Variants in PDCD2 observed in about 807,000 individuals in gnomAD.
The protein encoded by PDCD2 is programmed cell death 2.
In PDCD2, 38 loss-of-function variants were observed where a neutral mutation model predicts 38.1. The ratio of observed to expected loss-of-function variants is 1.00; its 90% CI spans 0.77 to 1.31. The LOEUF is 1.31. Ranked by LOEUF, PDCD2 falls within the 50% of genes most tolerant of loss-of-function variation. The probability of loss-of-function intolerance (pLI) is 0.00; values close to 1 mark genes in which losing one functional copy is unlikely to be tolerated. For synonymous variants in PDCD2, 205 were observed against 168.9 expected (o/e 1.21, Z -1.66); for missense variants, 473 against 435.7 (o/e 1.09, Z -0.76).
chr6:170,577,830 C>A, intron 5 of PDCD2, 113 bp from the exon 6 acceptor site: 1 of 923,488 alleles, frequency 1.1e-6, no homozygotes. Context: ...TACTACAAAG[C>A]AGGATTATAG....
rs1041184596 is a variant in PDCD2, at chr6:170,584,569, C to T, written c.13G>A (p.Gly5Arg). The change falls in exon 1 of 6, where the codon GGG (glycine) becomes AGG (arginine). Residue 5 changes from glycine (G) to arginine (R), a missense_variant. Physicochemically the swap from Gly to Arg is moderately radical, Grantham distance 125 (BLOSUM62 -2). Transcript: ENST00000541970. MAAA[G>R]ARPVELGFAE... Reference sequence around the variant, plus strand: ...AAGCCCAGCTCCACAGGCCTGGCCCCGGCGGCAGCCATGCGGGGCGCGGGC... The same window carrying T: ...AAGCCCAGCTCCACAGGCCTGGCCCTGGCGGCAGCCATGCGGGGCGCGGGC... The T allele has an allele frequency of 2.4e-5, 31 of 1,281,228 alleles. 1 individual carries two copies. Among genetic ancestry groups the T allele is most frequent in the South Asian group, 1.3e-4 (5 of 39,218 alleles). 79.4% of individuals were successfully genotyped at this position (1,281,228 alleles called of 1,614,324 possible). A position where few individuals can be genotyped will look rare whatever the true frequency, so the allele number is the denominator to read the frequency against.
At position 170,584,543 on chromosome 6, in the gene PDCD2, G is replaced by A; in HGVS notation, c.39C>T (p.Phe13=). 1 of 1,360,960 alleles carries A rather than the reference G, an allele frequency of 7.3e-7. No homozygotes were observed. Among genetic ancestry groups the A allele is most frequent in the Non-Finnish European group, 9.4e-7 (1 of 1,059,020 alleles). The allele number at this position is 1,360,960 out of a possible 1,614,324, so 84.3% of individuals were successfully genotyped here. Residue 13 remains phenylalanine (F), a synonymous_variant, in exon 1 of 6, where the codon TTC becomes TTT. Coordinates refer to ENST00000541970, the MANE Select transcript of PDCD2 (RefSeq NM_002598.4). ...AAGARPVELG[F]AESAPAWRLR... Reference sequence around the variant, plus strand: ...GTCGCCACGCCGGCGCCGACTCGGCGAAGCCCAGCTCCACAGGCCTGGCCC... The same window carrying A: ...GTCGCCACGCCGGCGCCGACTCGGCAAAGCCCAGCTCCACAGGCCTGGCCC...
chr6:170,584,287 T>G lies in PDCD2; in HGVS notation c.283+12A>C, dbSNP rs770057477. 5 of 1,421,564 alleles carry G rather than the reference T, an allele frequency of 3.5e-6. No individual in the cohort carries two copies. The African/African-American group carries it at 5.9e-5, about 17-fold the overall frequency. 88.1% of individuals were successfully genotyped at this position (1,421,564 alleles called of 1,614,324 possible). A position where few individuals can be genotyped will look rare whatever the true frequency, so the allele number is the denominator to read the frequency against. Reference sequence around the variant, plus strand: ...AGGCATGGCCCCGTCCCGACCCCGTTTGGCGGCTCACCTCGCAGGCCGGCA... The same window carrying G: ...AGGCATGGCCCCGTCCCGACCCCGTGTGGCGGCTCACCTCGCAGGCCGGCA... On this transcript the variant is annotated intron_variant, in intron 1 of 5. Transcript: ENST00000541970.
At chr6:170,579,174 T>C in intron 4 of PDCD2, 1 of 537,864 alleles carries the variant, frequency 1.9e-6, no homozygotes, top group Non-Finnish European at 3.2e-6. Flanking sequence ...TTTCAGTTTA[T>C]CTGACTCAGA....
chr6:170,584,184 G>A, intron 1 of PDCD2, 115 bp downstream of exon 1: 7 of 1,138,146 alleles, frequency 6.2e-6, no homozygotes, highest in Non-Finnish European at 7.9e-6. Context: ...CGGAGAGGGA[G>A]CTCTGAGGCT....
At chr6:170,577,833 G>A in intron 5 of PDCD2, 116 bp from the exon 6 acceptor site, 2 of 858,282 alleles carry the variant, frequency 2.3e-6, no homozygotes, top group Non-Finnish European at 3.6e-6. Context: ...TACAAAGCAG[G>A]ATTATAGACA....
rs777682956 is a variant in PDCD2 at position 170,584,349 on chromosome 6, C to T, written c.233G>A (p.Cys78Tyr). ...CTCGCGGCAGCAGAAGAGGAAGATG[C>T]AGCGGTGGAAGGCGTCCGGGCGGCC... ...LPGRPDAFHR[C>Y]IFLFCCREQP... Residue 78 changes from cysteine to tyrosine, a missense_variant, in exon 1 of 6, where the codon TGC becomes TAC. Transcript: ENST00000541970. 3.3e-6 allele frequency: 5 copies of T among 1,499,324 alleles called. No individual in the cohort carries two copies. In the South Asian group the frequency reaches 3.8e-5, roughly 11 times the overall value. 92.9% of individuals were successfully genotyped at this position (1,499,324 alleles called of 1,614,324 possible). A position where few individuals can be genotyped will look rare whatever the true frequency, so the allele number is the denominator to read the frequency against.
chr6:170,579,304 CAG>C (rs1779529759), intron 4 of PDCD2: 1 of 221,734 alleles, frequency 4.5e-6, no homozygotes, highest in Non-Finnish European at 8.7e-6. Context: ...GAATTCTGCC[CAG>C]AGTCTGTGCC....
At chr6:170,581,939 T>A (rs1562368605) in intron 3 of PDCD2, 1 of 474,440 alleles carries the variant, frequency 2.1e-6, no homozygotes, top group East Asian at 5.5e-5. Context: ...CTTTACTCCA[T>A]AATCTTAAAA....
rs867127993 is a variant in PDCD2, at chr6:170,575,712, C to G, written c.*1847G>C. ...TTTCTGGTGATTTGGACCAGTTTGT[C>G]TCCCTCTTGATATATCCATCCCAAA... On this transcript the variant is annotated 3_prime_UTR_variant, in exon 6 of 6. Coordinates refer to ENST00000541970, the MANE Select transcript of PDCD2 (RefSeq NM_002598.4). 6.6e-6 allele frequency: 1 copy of G among 152,166 alleles called. No individual in the cohort carries two copies. Among genetic ancestry groups the G allele is most frequent in the Non-Finnish European group, 1.5e-5 (1 of 68,038 alleles). 9.4% of individuals were successfully genotyped at this position (152,166 alleles called of 1,614,324 possible). A position where few individuals can be genotyped will look rare whatever the true frequency, so the allele number is the denominator to read the frequency against.
At chr6:170,578,646 G>C (rs938395054) in intron 5 of PDCD2, 5 of 703,370 alleles carry the variant, frequency 7.1e-6, no homozygotes, top group Non-Finnish European at 1.0e-5. Flanking sequence ...TCAATAGACC[G>C]TGTCTGAAAA....
chr6:170,578,898 G>C lies in PDCD2; in HGVS notation c.835C>G (p.Pro279Ala). Residue 279 changes from proline (P) to alanine (A), a missense_variant, in exon 5 of 6, where the codon CCA (proline) becomes GCA (alanine). Transcript: ENST00000541970. ...CTCTTGGCACCACAGGGGCAATCTG[G>C]AATATCCTTTTCTTGAGGAATATTT... ...GENIPQEKDI[P>A]DCPCGAKRIL... 3 of 1,610,274 alleles carry C rather than the reference G, an allele frequency of 1.9e-6. No homozygotes were observed. The highest frequency in any genetic ancestry group is 2.5e-6 in the Non-Finnish European group (3 of 1,178,322).
rs774707021 is a variant in PDCD2, at chr6:170,579,980, G to A, written c.762+22C>T. ...ACATGGCCTGAAGAGAACACGATGA[G>A]GAGCTATGAGCTCCACTTTACCTGT... On this transcript the variant is annotated intron_variant, in intron 4 of 5. Transcript: ENST00000541970. The A allele has an allele frequency of 1.1e-5, 13 of 1,164,196 alleles. No homozygotes were observed. The South Asian group carries it at 1.6e-4, about 14-fold the overall frequency. 72.1% of individuals were successfully genotyped at this position (1,164,196 alleles called of 1,614,324 possible).
At chr6:170,584,093 G>GC (rs902166377) in intron 1 of PDCD2, 1 of 508,832 alleles carries the variant, frequency 2.0e-6, no homozygotes, top group Admixed American at 4.1e-5. Context: ...TTACCAATGC[G>GC]CGTGGGCACA....
At position 170,577,727 on chromosome 6, in the gene PDCD2, G is replaced by A. The variant is rs1178279982; in HGVS notation, c.877-10C>T. On this transcript the variant is annotated splice_polypyrimidine_tract_variant and intron_variant, in intron 5 of 5. Coordinates refer to ENST00000541970, the MANE Select transcript of PDCD2 (RefSeq NM_002598.4). ...GGAGCTGAGGCATGACCTGAGAAGA[G>A]GGTGACACACAGTTAGAAAGCTGCT... 1 of 1,611,730 alleles carries A rather than the reference G, an allele frequency of 6.2e-7. No homozygotes were observed. Among genetic ancestry groups the A allele is most frequent in the Non-Finnish European group, 8.5e-7 (1 of 1,179,720 alleles).
rs1331744406 is a variant in PDCD2 at position 170,582,546 on chromosome 6, C to CATG, written c.658+510_658+511insCAT. On this transcript the variant is annotated intron_variant, in intron 3 of 5. Coordinates refer to ENST00000541970, the MANE Select transcript of PDCD2 (RefSeq NM_002598.4). ...CGATTTTAATGAGCTCATGCACAAA[C>CATG]AGCCCTTTATATAAGGTAAGTGCTG... 7.4e-6 allele frequency: 10 copies of CATG among 1,343,908 alleles called. No homozygotes were observed. In the African/African-American group the frequency reaches 1.5e-4, roughly 20 times the overall value. 83.2% of individuals were successfully genotyped at this position (1,343,908 alleles called of 1,614,324 possible).
rs1562367423 is a variant in PDCD2 at position 170,580,043 on chromosome 6, A to T, written c.721T>A (p.Phe241Ile). ...AKHESREDKI[F>I]QKFKTQIALE... ...GCTATCTGAGTTTTAAACTTCTGAA[A>T]AATTTTATCTTCCCTGGATTCATGT... Residue 241 changes from phenylalanine (F) to isoleucine (I), a missense_variant, in exon 4 of 6, where the codon TTT becomes ATT. Coordinates refer to ENST00000541970, the MANE Select transcript of PDCD2 (RefSeq NM_002598.4). 6.2e-7 allele frequency: 1 copy of T among 1,612,224 alleles called. No individual in the cohort carries two copies. The highest frequency in any genetic ancestry group is 8.5e-7 in the Non-Finnish European group (1 of 1,178,418).
intron 3 of PDCD2, chr6:170,582,825 T>C: frequency 2.2e-6 from 3 of 1,339,548 alleles, no homozygotes; most frequent in Non-Finnish European, 2.9e-6. Flanking sequence ...GCCCTACTCA[T>C]GGGACCATCT....
chr6:170,580,098 T>A lies in PDCD2; in HGVS notation c.666A>T (p.Ala222=), dbSNP rs1779553335. The change falls in exon 4 of 6, where the codon GCA becomes GCT. Residue 222 remains alanine (A), a synonymous_variant. Transcript: ENST00000541970. The stretch of plus-strand genomic sequence containing the variant: ...CCATGGAATCCAGTTCTTCCTCAAG[T>A]GCTTCACCTGAAAAATCAACGTAAC... The part of the protein sequence containing the change: ...YSEIIGSMGE[A]LEEELDSMAK... 3 of 1,596,496 alleles carry A rather than the reference T, an allele frequency of 1.9e-6. No individual in the cohort carries two copies. The highest frequency in any genetic ancestry group is 2.6e-6 in the Non-Finnish European group (3 of 1,165,048).
Sources: gnomAD v4.1 joint callset for allele counts on GRCh38, gnomAD v4.1.1 for gene constraint, MANE v1.5 for transcripts, NCBI Gene and HGNC (gene_info 2026-07-23, HGNC 2026-07-21) for gene names.